CAMK4: variants seen among roughly 807,000 people sequenced by gnomAD.
CAMK4 encodes calcium/calmodulin-dependent protein kinase type IV.
In CAMK4, 22 loss-of-function variants were observed where a neutral mutation model predicts 44.9. That is an observed-to-expected ratio of 0.49 (90% confidence interval 0.35 to 0.70). CAMK4 has a LOEUF of 0.70. Among genes scored for constraint, CAMK4 ranks in the 30% least tolerant of loss-of-function variants. The pLI is 0.01. For missense variants in CAMK4, 498 were observed against 586.8 expected, an observed-to-expected ratio of 0.85 and a Z score of 1.56; for synonymous variants, 218 against 215.4, an observed-to-expected ratio of 1.01 and a Z score of -0.11.
chr5:111,270,457 C>T (rs1264747765), intron 1 of CAMK4, among the ~76,000 whole-genome samples: 1 of 152,182 alleles, frequency 6.6e-6, no homozygotes, highest in Non-Finnish European at 1.5e-5. Context: ...GTGACTTTCA[C>T]CTAATTACAC....
intron 1 of CAMK4, among the ~76,000 whole-genome samples, chr5:111,260,746 A>C (rs1749937924): frequency 6.6e-6 from 1 of 152,094 alleles, no homozygotes; most frequent in Admixed American, 6.6e-5. Flanking sequence ...CCTAACCATT[A>C]AAGATTCCTC....
At chr5:111,473,911 G>T (rs1217119261) in intron 8 of CAMK4, among the ~76,000 whole-genome samples, 1 of 151,810 alleles carries the variant, frequency 6.6e-6, no homozygotes, top group Non-Finnish European at 1.5e-5. Context: ...CAAATTTCTT[G>T]GGAAAAAAAA....
At chr5:111,382,326 T>A (rs991241673) in intron 4 of CAMK4, among the ~76,000 whole-genome samples, 4 of 152,224 alleles carry the variant, frequency 2.6e-5, no homozygotes, top group Admixed American at 1.3e-4. Flanking sequence ...TTTCAGGGCA[T>A]TGCTATTAGA....
chr5:111,356,739 A>C (rs1212863130), intron 2 of CAMK4, among the ~76,000 whole-genome samples: 1 of 152,180 alleles, frequency 6.6e-6, no homozygotes, highest in Non-Finnish European at 1.5e-5. Flanking sequence ...CAGTTTTGCC[A>C]GCACCATTTA....
Position 111,233,505 on chromosome 5 carries a change from A to C in CAMK4, c.161+8861A>C, listed in dbSNP as rs73786833. On this transcript the variant is annotated intron_variant, in intron 1 of 10. Coordinates refer to ENST00000282356, the MANE Select transcript of CAMK4 (RefSeq NM_001744.6). ...GAAGAGCCTTTATTCGAAGGGCGTGAAAGTTAAATTTCCATACCGTGAACA... is the reference window on the plus strand; with the variant it reads ...GAAGAGCCTTTATTCGAAGGGCGTGCAAGTTAAATTTCCATACCGTGAACA... 4.2e-3 allele frequency among the ~76,000 whole-genome samples: 640 copies of C among 152,334 alleles called. 3 individuals are homozygous for C. The highest frequency in any genetic ancestry group is 0.015 in the African/African-American group (612 of 41,570).
intron 1 of CAMK4, among the ~76,000 whole-genome samples, chr5:111,333,502 A>G (rs1291703890): frequency 6.6e-6 from 1 of 151,662 alleles, no homozygotes; most frequent in Admixed American, 6.6e-5. Context: ...CCAATACTCA[A>G]GCTATCTGAT....
intron 4 of CAMK4, among the ~76,000 whole-genome samples, chr5:111,393,520 A>G (rs1182508985): frequency 6.6e-6 from 1 of 152,184 alleles, no homozygotes; most frequent in Non-Finnish European, 1.5e-5. Flanking sequence ...CAGAAAATGT[A>G]CATATACACC....
chr5:111,327,541 G>C (rs1221538737), intron 1 of CAMK4, among the ~76,000 whole-genome samples: 1 of 152,044 alleles, frequency 6.6e-6, no homozygotes, highest in Non-Finnish European at 1.5e-5. Context: ...GGATGGCTGG[G>C]TCAAATGGTA....
At chr5:111,293,087 G>C (rs1227197094) in intron 1 of CAMK4, among the ~76,000 whole-genome samples, 1 of 152,130 alleles carries the variant, frequency 6.6e-6, no homozygotes, top group Non-Finnish European at 1.5e-5. Flanking sequence ...TTATTAAACT[G>C]AATATAATTG....
At chr5:111,252,553 G>A (rs1428039) in intron 1 of CAMK4, among the ~76,000 whole-genome samples, 32,902 of 152,004 alleles carry the variant, frequency 0.22, 4,027 homozygotes, top group African/African-American at 0.33. Context: ...TATCCTATGA[G>A]TCTTATAGGT....
intron 2 of CAMK4, among the ~76,000 whole-genome samples, chr5:111,372,672 G>A (rs992939684): frequency 2.6e-5 from 4 of 152,130 alleles, no homozygotes; most frequent in Admixed American, 1.3e-4. Context: ...TTTGAGCTGC[G>A]TGTTTGTTAC....
chr5:111,431,227 C>A (rs1402800262), intron 5 of CAMK4, among the ~76,000 whole-genome samples: 1 of 152,106 alleles, frequency 6.6e-6, no homozygotes, highest in African/African-American at 2.4e-5. Context: ...GTGAACTCAT[C>A]TCTGACAAAG....
At chr5:111,273,284 T>C (rs1381631288) in intron 1 of CAMK4, among the ~76,000 whole-genome samples, 1 of 152,150 alleles carries the variant, frequency 6.6e-6, no homozygotes, top group Non-Finnish European at 1.5e-5. Flanking sequence ...TATGTATTTT[T>C]ATATAAATGC....
intron 1 of CAMK4, among the ~76,000 whole-genome samples, chr5:111,248,102 T>C (rs1749318935): frequency 6.6e-6 from 1 of 152,230 alleles, no homozygotes; most frequent in Admixed American, 6.5e-5. Context: ...GGTTCTATTT[T>C]ACTTGTTTGT....
At chr5:111,347,853 CT>C (rs1322514943) in intron 2 of CAMK4, among the ~76,000 whole-genome samples, 1 of 152,046 alleles carries the variant, frequency 6.6e-6, no homozygotes, top group African/African-American at 2.4e-5. Flanking sequence ...TAATTCTACT[CT>C]GTCTGTAAGG....
At chr5:111,253,948 G>A (rs758148718) in intron 1 of CAMK4, among the ~76,000 whole-genome samples, 1 of 152,060 alleles carries the variant, frequency 6.6e-6, no homozygotes, top group East Asian at 1.9e-4. Context: ...TATCTGTAAT[G>A]TTATATATAA....
intron 1 of CAMK4, among the ~76,000 whole-genome samples, chr5:111,239,703 A>T (rs1246594091): frequency 6.6e-6 from 1 of 152,236 alleles, no homozygotes; most frequent in Non-Finnish European, 1.5e-5. Context: ...TGCATTCATT[A>T]TACACGGTAA....
intron 2 of CAMK4, among the ~76,000 whole-genome samples, chr5:111,372,000 A>G (rs1751025306): frequency 6.6e-6 from 1 of 152,198 alleles, no homozygotes; most frequent in Non-Finnish European, 1.5e-5. Context: ...ATCAGCTTTC[A>G]GTATGGATTC....
intron 2 of CAMK4, among the ~76,000 whole-genome samples, chr5:111,361,234 T>G (rs996900370): frequency 6.6e-6 from 1 of 152,040 alleles, no homozygotes; most frequent in Non-Finnish European, 1.5e-5. Context: ...TTTTTATTAT[T>G]TAACAGTATA....
Sources: gnomAD v4.1 joint callset for allele counts (sites outside exome capture counted in the v4.1 genomes callset) on GRCh38, gnomAD v4.1.1 for gene constraint, MANE v1.5 for transcripts, NCBI Gene and HGNC (gene_info 2026-07-23, HGNC 2026-07-21) for gene names.